Variants in EPHB2 observed in about 807,000 individuals in gnomAD.
EPHB2 encodes ephrin type-B receptor 2.
Under a neutral mutation model 96.4 loss-of-function variants are expected in EPHB2, and 18 were observed. That is an observed-to-expected ratio of 0.19 (90% CI 0.13 to 0.28). EPHB2 has a LOEUF of 0.28. Among genes scored for constraint, EPHB2 ranks in the 10% least tolerant of loss-of-function variants. EPHB2 has a pLI of 1.00. For missense variants in EPHB2, 989 were observed against 1,355.4 expected (o/e 0.73, Z 4.25); for synonymous variants, 506 against 534.1 (o/e 0.95, Z 0.72).
intron 1 of EPHB2, among the ~76,000 whole-genome samples, chr1:22,774,825 G>A (rs140117331): frequency 3.3e-5 from 5 of 152,272 alleles, no homozygotes; most frequent in African/African-American, 4.8e-5. Flanking sequence ...AGGGTACAGC[G>A]GTGAACAAGG....
chr1:22,786,486 AGGGATACTTTAGCCTGGGGGTG>A (rs1394959117), intron 3 of EPHB2, among the ~76,000 whole-genome samples: 1 of 152,228 alleles, frequency 6.6e-6, no homozygotes, highest in East Asian at 1.9e-4. Flanking sequence ...GGAGAAGGCC[AGGGATACTTTAGCCTGGGGGTG>A]GTTGCAGTGA....
intron 3 of EPHB2, among the ~76,000 whole-genome samples, chr1:22,850,970 T>G (rs1645617702): frequency 6.6e-6 from 1 of 151,972 alleles, no homozygotes; most frequent in African/African-American, 2.4e-5. Flanking sequence ...TAGGCTATTG[T>G]TTTGTGGGTT....
At chr1:22,887,167 G>A (rs562952036) in intron 6 of EPHB2, among the ~76,000 whole-genome samples, 1 of 152,250 alleles carries the variant, frequency 6.6e-6, no homozygotes, top group South Asian at 2.1e-4. Flanking sequence ...AGAAAGCGGA[G>A]TTGATGAAAA....
chr1:22,782,977 T>G (rs1251001002), intron 2 of EPHB2, among the ~76,000 whole-genome samples: 1 of 152,132 alleles, frequency 6.6e-6, no homozygotes, highest in East Asian at 1.9e-4. Flanking sequence ...GACACCCACT[T>G]GAGGGTGACA....
At chr1:22,811,949 G>A (rs1645009035) in intron 3 of EPHB2, among the ~76,000 whole-genome samples, 1 of 152,226 alleles carries the variant, frequency 6.6e-6, no homozygotes, top group African/African-American at 2.4e-5. Context: ...TGAGGTAGGT[G>A]GATCACTTGA....
intron 1 of EPHB2, among the ~76,000 whole-genome samples, chr1:22,718,244 G>A (rs1425412997): frequency 1.3e-5 from 2 of 151,982 alleles, no homozygotes; most frequent in African/African-American, 2.4e-5. Flanking sequence ...TTTCTCAAAG[G>A]CCCCCTCCCC....
In EPHB2 at chr1:22,784,748, C is replaced by T. The variant is rs144238498; in HGVS notation, c.483C>T (p.Thr161=). 138 of 1,612,308 alleles carry T rather than the reference C, an allele frequency of 8.6e-5. No homozygotes were observed. In the Admixed American group the frequency reaches 1.7e-3, roughly 19 times the overall value. Reference sequence around the variant, plus strand: ...GTGGCCGCGTCATGAAAATCAACACCGAGGTGCGGAGCTTCGGACCTGTGT... The same window carrying T: ...GTGGCCGCGTCATGAAAATCAACACTGAGGTGCGGAGCTTCGGACCTGTGT... ...DLGGRVMKIN[T]EVRSFGPVSR... Residue 161 remains threonine (T), a synonymous_variant, in exon 3 of 16, where the codon ACC becomes ACT. Transcript: ENST00000374630. This position sits in a 1 kb window ranked among gnomAD's most constrained non-coding sequence, Gnocchi z 5.1.
chr1:22,841,161 G>A (rs952220718), intron 3 of EPHB2, among the ~76,000 whole-genome samples: 8 of 152,222 alleles, frequency 5.3e-5, no homozygotes, highest in African/African-American at 1.9e-4. Context: ...CTCTAGAGCA[G>A]TGTGACGGGC....
At chr1:22,795,903 C>T (rs1168582979) in intron 3 of EPHB2, among the ~76,000 whole-genome samples, 1 of 152,142 alleles carries the variant, frequency 6.6e-6, no homozygotes, top group Non-Finnish European at 1.5e-5. Context: ...ATCCCGCCAA[C>T]CCATCCACAC....
intron 7 of EPHB2, 62 bp downstream of exon 7, chr1:22,893,108 G>T (rs968391920): frequency 3.2e-5 from 52 of 1,612,412 alleles, no homozygotes; most frequent in Non-Finnish European, 4.3e-5. Context: ...AAACTCAAGG[G>T]TCACCATTCT....
intron 6 of EPHB2, among the ~76,000 whole-genome samples, chr1:22,884,799 A>G (rs568151884): frequency 4.6e-5 from 7 of 152,082 alleles, no homozygotes; most frequent in Admixed American, 4.6e-4. Context: ...GCCCTCCATC[A>G]CTGCCCAGAT....
chr1:22,853,339 A>G (rs1267723583), intron 3 of EPHB2, among the ~76,000 whole-genome samples: 2 of 152,166 alleles, frequency 1.3e-5, no homozygotes, highest in Non-Finnish European at 2.9e-5. Flanking sequence ...GGCGACAAAC[A>G]ATTCCTGAAG....
In EPHB2 at chr1:22,921,290, C is replaced by T. The variant is rs553276533; in HGVS notation, c.*7720C>T. 1 of 152,254 alleles carries T rather than the reference C, an allele frequency of 6.6e-6. No individual in the cohort carries two copies. Among genetic ancestry groups the T allele is most frequent in the South Asian group, 2.1e-4 (1 of 4,824 alleles). 9.4% of individuals were successfully genotyped at this position (152,254 alleles called of 1,614,324 possible). On this transcript the variant is annotated 3_prime_UTR_variant, in exon 16 of 16. Transcript: ENST00000374630. ...TCCTGTGGTCATAAATATGGGTTTT[C>T]CTGACAATGTTGGGAGGTCAGGGAC... is the stretch of plus-strand genomic sequence containing the variant.
At chr1:22,781,333 A>G (rs1419013217) in intron 1 of EPHB2, 88 bp from the exon 2 acceptor site, 9 of 1,312,056 alleles carry the variant, frequency 6.9e-6, no homozygotes, top group African/African-American at 1.5e-5. Context: ...AAAAAAAAAA[A>G]AAAGAAGAAG....
Position 22,839,499 on chromosome 1 carries a change from A to G in EPHB2, c.812-23538A>G, listed in dbSNP as rs143785470. ...GAAAGTCAAAGGGGAAGTAATTGTG[A>G]TATGGGGAGAAAGTCAGGGATATAC... On this transcript the variant is annotated intron_variant, in intron 3 of 15. Transcript: ENST00000374630. 1.4e-3 allele frequency among the ~76,000 whole-genome samples: 210 copies of G among 152,312 alleles called. 1 individual carries two copies. Among genetic ancestry groups the G allele is most frequent in the African/African-American group, 4.7e-3 (197 of 41,570 alleles).
At chr1:22,804,861 C>T (rs918511947) in intron 3 of EPHB2, among the ~76,000 whole-genome samples, 4 of 151,900 alleles carry the variant, frequency 2.6e-5, no homozygotes, top group African/African-American at 9.7e-5. Flanking sequence ...TTCTCTCTCT[C>T]CCTCCCCTGC....
chr1:22,793,063 T>A (rs774083070), intron 3 of EPHB2, among the ~76,000 whole-genome samples: 71 of 151,686 alleles, frequency 4.7e-4, no homozygotes, highest in Non-Finnish European at 8.5e-4. Context: ...CTGGGAAGGG[T>A]GGGGGTCAGT....
intron 5 of EPHB2, 124 bp downstream of exon 5, chr1:22,865,336 TG>T: frequency 8.7e-7 from 1 of 1,147,972 alleles, no homozygotes; most frequent in Non-Finnish European, 1.3e-6. Flanking sequence ...AGGCTTTTCA[TG>T]TGATCGGTCC....
At chr1:22,721,802 C>CA (rs1207576289) in intron 1 of EPHB2, among the ~76,000 whole-genome samples, 1 of 148,580 alleles carries the variant, frequency 6.7e-6, no homozygotes, top group African/African-American at 2.5e-5. Context: ...TTTGTAGAGA[C>CA]AGAGTCTTTC....
Sources: allele counts gnomAD v4.1 joint callset (sites outside exome capture counted in the v4.1 genomes callset), GRCh38; gene constraint gnomAD v4.1.1; non-coding constraint Gnocchi (gnomAD v3.1); transcripts MANE v1.5; gene names NCBI Gene and HGNC (gene_info 2026-07-23, HGNC 2026-07-21).